Variants in RBMS1 observed in about 807,000 individuals in gnomAD.
The protein encoded by RBMS1 is RNA-binding motif, single-stranded-interacting protein 1.
Under a neutral mutation model 62.3 loss-of-function variants are expected in RBMS1, and 17 were observed. That is an observed-to-expected ratio of 0.27 (90% CI 0.19 to 0.41). The LOEUF (loss-of-function observed/expected upper bound fraction) is 0.41. Ranked by LOEUF, RBMS1 falls within the 10% of genes least tolerant of loss-of-function variation. RBMS1 has a pLI of 1.00. For missense variants in RBMS1, 334 were observed against 504.5 expected, an observed-to-expected ratio of 0.66 and a Z score of 3.24; for synonymous variants, 172 against 170.0, an observed-to-expected ratio of 1.01 and a Z score of -0.09.
intron 1 of RBMS1, among the ~76,000 whole-genome samples, chr2:160,481,980 GC>G (rs1386225332): frequency 6.6e-6 from 1 of 152,134 alleles, no homozygotes; most frequent in Non-Finnish European, 1.5e-5. Context: ...AGGAGTAAGT[GC>G]ATATGTTGAA....
intron 1 of RBMS1, among the ~76,000 whole-genome samples, chr2:160,417,174 G>A (rs1363748419): frequency 6.6e-6 from 1 of 152,018 alleles, no homozygotes; most frequent in Non-Finnish European, 1.5e-5. Flanking sequence ...CACACAGAAA[G>A]GACAGAAATA....
intron 1 of RBMS1, among the ~76,000 whole-genome samples, chr2:160,370,272 T>C (rs574942512): frequency 6.6e-6 from 1 of 152,350 alleles, no homozygotes; most frequent in East Asian, 1.9e-4. Flanking sequence ...AGCGTTGAAT[T>C]ATTCTAGGTT....
chr2:160,379,221 TAAAAA>T (rs74962367), intron 1 of RBMS1, among the ~76,000 whole-genome samples: 2 of 143,112 alleles, frequency 1.4e-5, no homozygotes, highest in Non-Finnish European at 3.1e-5. Flanking sequence ...GAACCTGTCT[TAAAAA>T]AAAAAAAAAA....
At chr2:160,277,840 G>C (rs1461479249) in intron 11 of RBMS1, 1 of 157,012 alleles carries the variant, frequency 6.4e-6, no homozygotes, top group Non-Finnish European at 1.4e-5. Context: ...AGGCAGCAGA[G>C]CCTGGCTTTT....
intron 1 of RBMS1, among the ~76,000 whole-genome samples, chr2:160,476,744 C>A (rs572684832): frequency 2.6e-5 from 4 of 151,500 alleles, no homozygotes; most frequent in Non-Finnish European, 5.9e-5. Context: ...TCAGTAGAGA[C>A]GGGGTTTCAC....
At chr2:160,388,308 C>T (rs1190826691) in intron 1 of RBMS1, among the ~76,000 whole-genome samples, 2 of 152,142 alleles carry the variant, frequency 1.3e-5, no homozygotes, top group African/African-American at 4.8e-5. Context: ...CAGTGAGATT[C>T]CAGGTAACCC....
chr2:160,410,868 C>G lies in RBMS1; in HGVS notation c.76-43477G>C, dbSNP rs931912706. On this transcript the variant is annotated intron_variant, in intron 1 of 13. Transcript: ENST00000348849. ...CAGCGATTCTTCTGCCTCAGCCTCC[C>G]GAGTAGCTGGGACTACAGGCGTGTG... Among the ~76,000 whole-genome samples the G allele has an allele frequency of 2.0e-5, 3 of 152,180 alleles. No homozygotes were observed. In the South Asian group the frequency reaches 6.2e-4, roughly 31 times the overall value.
intron 2 of RBMS1, among the ~76,000 whole-genome samples, chr2:160,332,432 G>GA (rs947176658): frequency 2.3e-4 from 35 of 149,096 alleles, no homozygotes; most frequent in East Asian, 1.4e-3. Context: ...CCACATAAGA[G>GA]AAAAAAAAAA....
intron 1 of RBMS1, among the ~76,000 whole-genome samples, chr2:160,376,566 G>A (rs1224221171): frequency 6.6e-6 from 1 of 152,058 alleles, no homozygotes; most frequent in Non-Finnish European, 1.5e-5. Flanking sequence ...TAGAGAAAGT[G>A]AGTGATACTA....
At chr2:160,389,124 C>A (rs954453972) in intron 1 of RBMS1, among the ~76,000 whole-genome samples, 1 of 152,336 alleles carries the variant, frequency 6.6e-6, no homozygotes, top group Non-Finnish European at 1.5e-5. Flanking sequence ...AGCACTGTCA[C>A]ACACTGACAA....
In RBMS1 at chr2:160,380,624, T is replaced by C. The variant is rs183575834; in HGVS notation, c.76-13233A>G. Reference sequence around the variant, plus strand: ...AAGTCTTCGGATCTAACAGTTTAAATCTTAGAGCAGAGCAAAAAGAATGCA... The same window carrying C: ...AAGTCTTCGGATCTAACAGTTTAAACCTTAGAGCAGAGCAAAAAGAATGCA... On this transcript the variant is annotated intron_variant, in intron 1 of 13. Coordinates refer to ENST00000348849, the MANE Select transcript of RBMS1 (RefSeq NM_016836.4). 6.6e-5 allele frequency among the ~76,000 whole-genome samples: 10 copies of C among 152,364 alleles called. No homozygotes were observed. The East Asian group carries it at 1.9e-3, about 29-fold the overall frequency.
chr2:160,382,810 C>T (rs770565874), intron 1 of RBMS1, among the ~76,000 whole-genome samples: 1 of 152,014 alleles, frequency 6.6e-6, no homozygotes, highest in Non-Finnish European at 1.5e-5. Context: ...AGAATCACAA[C>T]ACTCCCACCC....
intron 1 of RBMS1, among the ~76,000 whole-genome samples, chr2:160,380,990 A>T (rs934266808): frequency 6.6e-6 from 1 of 152,224 alleles, no homozygotes; most frequent in South Asian, 2.1e-4. Context: ...ATGTTTTTTT[A>T]AATTAATATA....
rs1687708056 is a variant in RBMS1, at chr2:160,274,192, GAC to G, written c.*578_*579del. On this transcript the variant is annotated 3_prime_UTR_variant, in exon 14 of 14. Transcript: ENST00000348849. ...AATTGGAATTCATAGAAAAGGATAAGACACTTCACACTACGTTGAAAGAAAGA... is the reference window on the plus strand; with the variant it reads ...AATTGGAATTCATAGAAAAGGATAAGACTTCACACTACGTTGAAAGAAAGA... 1 of 152,586 alleles carries G rather than the reference GAC, an allele frequency of 6.6e-6. No individual in the cohort carries two copies. The highest frequency in any genetic ancestry group is 2.4e-5 in the African/African-American group (1 of 41,418). The allele number at this position is 152,586 out of a possible 1,614,324, so 9.5% of individuals were successfully genotyped here. A position where few individuals can be genotyped will look rare whatever the true frequency, so the allele number is the denominator to read the frequency against.
chr2:160,329,500 C>G (rs1316534010), intron 2 of RBMS1, among the ~76,000 whole-genome samples: 1 of 152,166 alleles, frequency 6.6e-6, no homozygotes. Flanking sequence ...GATGAGCAAT[C>G]ATTGCGGAGG....
At chr2:160,289,199 T>A (rs1055132305) in intron 6 of RBMS1, among the ~76,000 whole-genome samples, 1 of 152,198 alleles carries the variant, frequency 6.6e-6, no homozygotes, top group Non-Finnish European at 1.5e-5. Context: ...ATGTTTGCAA[T>A]TAGATCATTT....
At chr2:160,431,922 G>A (rs1424571937) in intron 1 of RBMS1, among the ~76,000 whole-genome samples, 1 of 152,032 alleles carries the variant, frequency 6.6e-6, no homozygotes. Flanking sequence ...GACTCACAAA[G>A]CTGCAATCTA....
intron 1 of RBMS1, among the ~76,000 whole-genome samples, chr2:160,473,924 A>G (rs1449232848): frequency 6.6e-6 from 1 of 152,166 alleles, no homozygotes; most frequent in Non-Finnish European, 1.5e-5. Flanking sequence ...ATTTGGTTTT[A>G]GTAGTGTTTA....
At chr2:160,314,118 A>G (rs1466085412) in intron 3 of RBMS1, among the ~76,000 whole-genome samples, 1 of 152,192 alleles carries the variant, frequency 6.6e-6, no homozygotes, top group East Asian at 1.9e-4. Context: ...AGTCAAAACT[A>G]CTAACAAGCA....
Sources: gnomAD v4.1 joint callset for allele counts (sites outside exome capture counted in the v4.1 genomes callset) on GRCh38, gnomAD v4.1.1 for gene constraint, MANE v1.5 for transcripts, NCBI Gene and HGNC (gene_info 2026-07-23, HGNC 2026-07-21) for gene names.